Variants in RGS7 observed in about 807,000 individuals in gnomAD.
The protein encoded by RGS7 is regulator of G protein signaling 7, also known as regulator of G-protein signaling 7.
In RGS7, 27 loss-of-function variants were observed where a neutral mutation model predicts 81.1. The ratio of observed to expected loss-of-function variants is 0.33; its 90% CI spans 0.25 to 0.46. RGS7 has a LOEUF of 0.46. RGS7 is among the 20% of genes least tolerant of loss of function. The probability of loss-of-function intolerance (pLI) is 1.00; values close to 1 mark genes in which losing one functional copy is unlikely to be tolerated. For missense variants in RGS7, 396 were observed against 607.4 expected (o/e 0.65, Z 3.66); for synonymous variants, 208 against 207.7 (o/e 1.00, Z -0.01).
intron 3 of RGS7, among the ~76,000 whole-genome samples, chr1:240,997,590 C>T (rs1687487112): frequency 1.3e-5 from 2 of 152,088 alleles, no homozygotes; most frequent in African/African-American, 4.8e-5. Context: ...TTTGGGGGAC[C>T]GAGGTGGGCA....
intron 2 of RGS7, among the ~76,000 whole-genome samples, chr1:241,112,077 C>T (rs760209403): frequency 3.4e-4 from 51 of 151,988 alleles, no homozygotes; most frequent in Admixed American, 2.0e-4. Context: ...TCTTATGAAA[C>T]CTGGGCAGGA....
At chr1:241,058,056 G>A (rs2148824645) in intron 3 of RGS7, among the ~76,000 whole-genome samples, 1 of 152,150 alleles carries the variant, frequency 6.6e-6, no homozygotes, top group Non-Finnish European at 1.5e-5. Context: ...ATAATAATTG[G>A]TCGCAGCCAG....
In RGS7 at chr1:241,288,061, G is replaced by T. The variant is rs142739398; in HGVS notation, c.78+67638C>A. On this transcript the variant is annotated intron_variant, in intron 2 of 18. Coordinates refer to ENST00000440928, the MANE Select transcript of RGS7 (RefSeq NM_001364886.1). The stretch of plus-strand genomic sequence containing the variant: ...CTTTCAAGGTGTCCTAGAAAATTGG[G>T]GACACCTTGTAGCAAATCAATTAAC... Among the ~76,000 whole-genome samples, 19 of 152,222 alleles carry T rather than the reference G, an allele frequency of 1.2e-4. 1 individual carries two copies. In the East Asian group the frequency reaches 3.1e-3, roughly 25 times the overall value.
At chr1:241,312,137 G>C (rs1395110542) in intron 2 of RGS7, among the ~76,000 whole-genome samples, 2 of 152,138 alleles carry the variant, frequency 1.3e-5, no homozygotes, top group African/African-American at 4.8e-5. Context: ...TCATTCATCA[G>C]ATTTTCATTT....
intron 1 of RGS7, among the ~76,000 whole-genome samples, chr1:241,356,574 A>C (rs2148767156): frequency 6.6e-6 from 1 of 152,290 alleles, no homozygotes; most frequent in Non-Finnish European, 1.5e-5. Flanking sequence ...TAAAAGCCTA[A>C]CTGCAGAAGC....
intron 3 of RGS7, among the ~76,000 whole-genome samples, chr1:241,057,812 G>A (rs1057449512): frequency 2.6e-5 from 4 of 152,024 alleles, no homozygotes; most frequent in African/African-American, 7.2e-5. Flanking sequence ...CAGTGAGCCG[G>A]GATCACACCG....
intron 2 of RGS7, among the ~76,000 whole-genome samples, chr1:241,280,975 T>C (rs1235522602): frequency 5.3e-5 from 8 of 152,144 alleles, no homozygotes; most frequent in Admixed American, 5.2e-4. Context: ...ATTTTTTCAA[T>C]AAATATACTA....
At chr1:241,336,579 T>G (rs906249685) in intron 2 of RGS7, among the ~76,000 whole-genome samples, 6 of 152,228 alleles carry the variant, frequency 3.9e-5, no homozygotes, top group African/African-American at 1.4e-4. Context: ...TGCTTCCTCC[T>G]TCGGCTTTCT....
intron 2 of RGS7, among the ~76,000 whole-genome samples, chr1:241,166,043 C>T (rs1017189389): frequency 2.0e-5 from 3 of 152,214 alleles, no homozygotes; most frequent in African/African-American, 4.8e-5. Context: ...CAGGTGATTC[C>T]GATGCAAGCT....
intron 2 of RGS7, among the ~76,000 whole-genome samples, chr1:241,342,622 A>C (rs982875270): frequency 5.3e-5 from 8 of 152,246 alleles, no homozygotes; most frequent in Non-Finnish European, 1.0e-4. Flanking sequence ...TTTCAACAAA[A>C]ACAACAGAGT....
chr1:241,142,824 T>C (rs1406711541), intron 2 of RGS7, among the ~76,000 whole-genome samples: 1 of 152,204 alleles, frequency 6.6e-6, no homozygotes, highest in African/African-American at 2.4e-5. Context: ...GGGATTTTCT[T>C]TTCTATCATG....
At chr1:241,300,372 C>T (rs1336751318) in intron 2 of RGS7, among the ~76,000 whole-genome samples, 1 of 152,174 alleles carries the variant, frequency 6.6e-6, no homozygotes, top group South Asian at 2.1e-4. Context: ...CATATATCCA[C>T]CATTAGGGTA....
At chr1:241,029,322 AT>A (rs1446890797) in intron 3 of RGS7, among the ~76,000 whole-genome samples, 1 of 152,148 alleles carries the variant, frequency 6.6e-6, no homozygotes, top group Non-Finnish European at 1.5e-5. Context: ...TTTTATAAAA[AT>A]TTAAAACCCC....
intron 2 of RGS7, chr1:241,132,158 G>A (rs1336621060): frequency 6.5e-6 from 1 of 153,696 alleles, no homozygotes; most frequent in Admixed American, 6.6e-5. Context: ...AAACCTGAGG[G>A]CTATTTTGTG....
chr1:240,948,112 G>T (rs1158363429), intron 4 of RGS7, among the ~76,000 whole-genome samples: 4 of 152,174 alleles, frequency 2.6e-5, no homozygotes, highest in Admixed American at 6.5e-5. Flanking sequence ...GTATCTTTTA[G>T]TTGGCTTTCA....
At position 240,814,675 on chromosome 1, in the gene RGS7, ATGAAATT is replaced by A. The variant is rs764361400; in HGVS notation, c.845+34_845+40del. 4.0e-6 allele frequency: 5 copies of A among 1,237,398 alleles called. No individual in the cohort carries two copies. In the African/African-American group the frequency reaches 7.4e-5, roughly 18 times the overall value. The allele number at this position is 1,237,398 out of a possible 1,614,324, so 76.7% of individuals were successfully genotyped here. On this transcript the variant is annotated intron_variant, in intron 12 of 18. Coordinates refer to ENST00000440928, the MANE Select transcript of RGS7 (RefSeq NM_001364886.1). ...ATTTTTAAACACATGTAATTGTCATATGAAATTTTAAAATTTATACAGACACTTTGAA... is the reference window on the plus strand; with the variant it reads ...ATTTTTAAACACATGTAATTGTCATATTAAAATTTATACAGACACTTTGAA...
intron 5 of RGS7, among the ~76,000 whole-genome samples, chr1:240,935,086 A>T (rs1676398108): frequency 1.3e-5 from 2 of 150,344 alleles, no homozygotes; most frequent in Admixed American, 1.3e-4. Flanking sequence ...TTTAGTAGAG[A>T]TGAGGTTTCA....
intron 2 of RGS7, among the ~76,000 whole-genome samples, chr1:241,306,333 A>C (rs1388314854): frequency 2.7e-5 from 4 of 149,840 alleles, no homozygotes; most frequent in Non-Finnish European, 5.9e-5. Flanking sequence ...ACACCCTTAC[A>C]CACATCCTCA....
chr1:241,072,532 G>A (rs369694215), intron 3 of RGS7, among the ~76,000 whole-genome samples: 19 of 152,232 alleles, frequency 1.2e-4, no homozygotes, highest in East Asian at 1.2e-3. Flanking sequence ...GCTGCGGACC[G>A]TAAAACCATT....
Sources: allele counts gnomAD v4.1 joint callset (sites outside exome capture counted in the v4.1 genomes callset), GRCh38; gene constraint gnomAD v4.1.1; transcripts MANE v1.5; gene names NCBI Gene and HGNC (gene_info 2026-07-23, HGNC 2026-07-21).